Variants in CPPED1 observed in about 807,000 individuals in gnomAD.
CPPED1 encodes the protein serine/threonine-protein phosphatase CPPED1.
In CPPED1, 28 loss-of-function variants were observed where a neutral mutation model predicts 28.0. The ratio of observed to expected loss-of-function variants is 1.00; its 90% CI spans 0.74 to 1.37. CPPED1 has a LOEUF of 1.37. CPPED1 is among the 40% of genes most tolerant of loss of function. The pLI is 0.00. For synonymous variants in CPPED1, 198 were observed against 180.2 expected, an observed-to-expected ratio of 1.10 and a Z score of -0.79; for missense variants, 504 against 416.5, an observed-to-expected ratio of 1.21 and a Z score of -1.83.
chr16:12,680,673 A>G (rs1053957626), intron 3 of CPPED1, among the ~76,000 whole-genome samples: 1 of 152,178 alleles, frequency 6.6e-6, no homozygotes, highest in African/African-American at 2.4e-5. Flanking sequence ...CTGTATCATC[A>G]GCATGAGAAG....
intron 2 of CPPED1, among the ~76,000 whole-genome samples, chr16:12,768,302 G>A (rs1242779994): frequency 2.6e-5 from 4 of 152,170 alleles, no homozygotes; most frequent in East Asian, 1.9e-4. Context: ...TAAATAAGGC[G>A]AGGCTCTCTG....
At chr16:12,780,932 C>A in intron 2 of CPPED1, 1 of 501,650 alleles carries the variant, frequency 2.0e-6, no homozygotes, top group Non-Finnish European at 3.6e-6. Flanking sequence ...GGAATCTGTT[C>A]CATTTTTCAT....
intron 3 of CPPED1, among the ~76,000 whole-genome samples, chr16:12,703,456 T>C (rs13329713): frequency 0.018 from 2,718 of 151,802 alleles, 85 homozygotes; most frequent in African/African-American, 0.063. Context: ...CCAAGGTGGG[T>C]GAATCACTTG....
chr16:12,720,020 CAT>C (rs1555486775), intron 2 of CPPED1, among the ~76,000 whole-genome samples: 2 of 152,138 alleles, frequency 1.3e-5, no homozygotes, highest in Non-Finnish European at 2.9e-5. Context: ...CACACACACA[CAT>C]ACACACACAC....
intron 2 of CPPED1, among the ~76,000 whole-genome samples, chr16:12,735,737 T>C (rs1358246962): frequency 2.0e-5 from 3 of 152,250 alleles, no homozygotes; most frequent in Non-Finnish European, 4.4e-5. Flanking sequence ...GCAAGCCCTA[T>C]ATAAATGTTA....
At chr16:12,777,858 A>G (rs1332220249) in intron 2 of CPPED1, among the ~76,000 whole-genome samples, 1 of 147,670 alleles carries the variant, frequency 6.8e-6, no homozygotes, top group Non-Finnish European at 1.5e-5. Flanking sequence ...AAAGCATATT[A>G]TTACTTTCAT....
intron 3 of CPPED1, among the ~76,000 whole-genome samples, chr16:12,685,461 A>C (rs2079927886): frequency 6.6e-6 from 1 of 152,220 alleles, no homozygotes; most frequent in Non-Finnish European, 1.5e-5. Flanking sequence ...AAAAATAAAT[A>C]AATGAATAAA....
intron 2 of CPPED1, among the ~76,000 whole-genome samples, chr16:12,720,006 C>A (rs967575298): frequency 6.6e-6 from 1 of 150,828 alleles, no homozygotes; most frequent in Non-Finnish European, 1.5e-5. Flanking sequence ...ACACTATGTG[C>A]ACACACACAC....
chr16:12,778,480 T>C (rs565045311), intron 2 of CPPED1, among the ~76,000 whole-genome samples: 2 of 152,230 alleles, frequency 1.3e-5, no homozygotes, highest in East Asian at 3.9e-4. Context: ...TTCACCATGT[T>C]GGCCAGGCTG....
intron 2 of CPPED1, among the ~76,000 whole-genome samples, chr16:12,728,951 G>A (rs2080183801): frequency 6.6e-6 from 1 of 152,176 alleles, no homozygotes; most frequent in East Asian, 1.9e-4. Context: ...GTAAGTGAAT[G>A]GGACCCCCTG....
intron 3 of CPPED1, among the ~76,000 whole-genome samples, chr16:12,677,393 C>T (rs1194582011): frequency 6.6e-6 from 1 of 152,238 alleles, no homozygotes; most frequent in Non-Finnish European, 1.5e-5. Context: ...AATCCCAGCA[C>T]TTTGGGAGGC....
chr16:12,796,076 T>A (rs1233942724), intron 1 of CPPED1, among the ~76,000 whole-genome samples: 4 of 142,112 alleles, frequency 2.8e-5, no homozygotes, highest in African/African-American at 1.1e-4. Context: ...GAGCAAGACT[T>A]TGTCTTAAAA....
intron 2 of CPPED1, among the ~76,000 whole-genome samples, chr16:12,774,840 G>C (rs2080488613): frequency 6.6e-6 from 1 of 152,028 alleles, no homozygotes. Context: ...TTGTTTGTTT[G>C]AGACAGGGTC....
At chr16:12,725,919 C>T (rs748754020) in intron 2 of CPPED1, among the ~76,000 whole-genome samples, 55 of 152,212 alleles carry the variant, frequency 3.6e-4, no homozygotes, top group Non-Finnish European at 8.8e-5. Flanking sequence ...AGGTCAGCTA[C>T]AGTGGCTCAT....
At chr16:12,763,920 G>GCC (rs1411926659) in intron 2 of CPPED1, among the ~76,000 whole-genome samples, 4 of 149,080 alleles carry the variant, frequency 2.7e-5, no homozygotes, top group African/African-American at 7.7e-5. Context: ...CCTAATACAA[G>GCC]CTGGTATTTT....
rs143989484 is a variant in CPPED1, at chr16:12,775,218, C to T, written c.289+5967G>A. Among the ~76,000 whole-genome samples, 1,000 of 152,270 alleles carry T rather than the reference C, an allele frequency of 6.6e-3. 11 individuals carry two copies. Among genetic ancestry groups the T allele is most frequent in the African/African-American group, 0.022 (924 of 41,554 alleles). ...TTTGAGAGTCTGCAGAGAGAGTCCC[C>T]ACCAGCAAGAAGGCCCTCAGCTGAT... On this transcript the variant is annotated intron_variant, in intron 2 of 3. Transcript: ENST00000381774.
intron 1 of CPPED1, among the ~76,000 whole-genome samples, chr16:12,795,538 C>A (rs953557016): frequency 6.6e-6 from 1 of 152,162 alleles, no homozygotes; most frequent in African/African-American, 2.4e-5. Flanking sequence ...TGGGGTTTCA[C>A]CATGTTGGCC....
chr16:12,776,648 T>C (rs1350988811), intron 2 of CPPED1, among the ~76,000 whole-genome samples: 3 of 152,008 alleles, frequency 2.0e-5, no homozygotes, highest in Non-Finnish European at 2.9e-5. Flanking sequence ...CAGCTGGGCG[T>C]GGTGGCTCAC....
chr16:12,751,619 G>A (rs897041113), intron 2 of CPPED1, among the ~76,000 whole-genome samples: 3 of 152,150 alleles, frequency 2.0e-5, no homozygotes, highest in African/African-American at 7.2e-5. Context: ...AGGAACCCAT[G>A]TCTCCAAATG....
Sources: gnomAD v4.1 joint callset for allele counts (sites outside exome capture counted in the v4.1 genomes callset) on GRCh38, gnomAD v4.1.1 for gene constraint, MANE v1.5 for transcripts, NCBI Gene and HGNC (gene_info 2026-07-23, HGNC 2026-07-21) for gene names.